Variants in LRRC59 observed in about 807,000 individuals in gnomAD.
LRRC59 encodes leucine-rich repeat-containing protein 59.
Under a neutral mutation model 33.5 loss-of-function variants are expected in LRRC59, and 18 were observed. That is an observed-to-expected ratio of 0.54 (90% confidence interval 0.37 to 0.80). The LOEUF (loss-of-function observed/expected upper bound fraction) is 0.80. Ranked by LOEUF, LRRC59 falls within the 30% of genes least tolerant of loss-of-function variation. The probability of loss-of-function intolerance (pLI) is 0.00; values close to 1 mark genes in which losing one functional copy is unlikely to be tolerated. For missense variants in LRRC59, 330 were observed against 391.9 expected (o/e 0.84, Z 1.33); for synonymous variants, 138 against 160.0 (o/e 0.86, Z 1.04).
chr17:50,384,959 C>T (rs1315079942), intron 6 of LRRC59, among the ~76,000 whole-genome samples, 159 bp downstream of exon 6: 3 of 152,084 alleles, frequency 2.0e-5, no homozygotes, highest in African/African-American at 7.2e-5. Context: ...CTAGGAGAGT[C>T]CCCCATTCCC....
intron 6 of LRRC59, 69 bp downstream of exon 6, chr17:50,385,049 T>A: frequency 6.5e-7 from 1 of 1,543,298 alleles, no homozygotes; most frequent in Non-Finnish European, 8.8e-7. Context: ...ACCCCAGTTG[T>A]CTATGCCTGG....
rs1913893872 is a variant in LRRC59, at chr17:50,382,700, C to G, written c.*288G>C. On this transcript the variant is annotated 3_prime_UTR_variant, in exon 7 of 7. Coordinates refer to ENST00000225972, the MANE Select transcript of LRRC59 (RefSeq NM_018509.4). ...GCCTTTACACAGCTTTATATAACAACTAGAAAAGGCTATGTTTTCTCTCTC... is the reference window on the plus strand; with the variant it reads ...GCCTTTACACAGCTTTATATAACAAGTAGAAAAGGCTATGTTTTCTCTCTC... 2.3e-6 allele frequency: 1 copy of G among 443,116 alleles called. No individual in the cohort carries two copies. Among genetic ancestry groups the G allele is most frequent in the East Asian group, 4.3e-5 (1 of 23,238 alleles). 27.4% of individuals were successfully genotyped at this position (443,116 alleles called of 1,614,324 possible).
At chr17:50,396,233 T>G (rs1914269302) in intron 1 of LRRC59, 1 of 152,264 alleles carries the variant, frequency 6.6e-6, no homozygotes, top group Non-Finnish European at 1.5e-5. Flanking sequence ...TATTTGCTCC[T>G]TCCAAGCATT....
chr17:50,382,820 GACT>G lies in LRRC59; in HGVS notation c.*165_*167del. On this transcript the variant is annotated 3_prime_UTR_variant, in exon 7 of 7. Transcript: ENST00000225972. ...TCTCCTCATTCCTTCAGGGAACCCT[GACT>G]AAGGAATGAAGAAGTCCTACAAAGA... The G allele has an allele frequency of 1.2e-6, 1 of 859,208 alleles. No individual in the cohort carries two copies. The highest frequency in any genetic ancestry group is 1.7e-6 in the Non-Finnish European group (1 of 587,192). The allele number at this position is 859,208 out of a possible 1,614,324, so 53.2% of individuals were successfully genotyped here.
At chr17:50,394,878 G>T in intron 2 of LRRC59, 51 bp downstream of exon 2, 1 of 1,269,692 alleles carries the variant, frequency 7.9e-7, no homozygotes, top group Non-Finnish European at 1.1e-6. Context: ...GAAACAGGAA[G>T]GAGATGCATC....
Position 50,382,832 on chromosome 17 carries a change from A to T in LRRC59, c.*156T>A. ...TTCAGGGAACCCTGACTAAGGAATGAAGAAGTCCTACAAAGAGGAGGTCTC... is the reference window on the plus strand; with the variant it reads ...TTCAGGGAACCCTGACTAAGGAATGTAGAAGTCCTACAAAGAGGAGGTCTC... On this transcript the variant is annotated 3_prime_UTR_variant, in exon 7 of 7. Transcript: ENST00000225972. The T allele has an allele frequency of 1.0e-6, 1 of 956,982 alleles. No homozygotes were observed. The highest frequency in any genetic ancestry group is 1.5e-6 in the Non-Finnish European group (1 of 661,682). The allele number at this position is 956,982 out of a possible 1,614,324, so 59.3% of individuals were successfully genotyped here.
In LRRC59 at chr17:50,383,230, T is replaced by C; in HGVS notation, c.682A>G (p.Lys228Glu). Residue 228 changes from lysine (K) to glutamate (E), a missense_variant, in exon 7 of 7, where the codon AAG becomes GAG. Coordinates refer to ENST00000225972, the MANE Select transcript of LRRC59 (RefSeq NM_018509.4). ...GGCTTGCGGGGACGGGAGCCAGACT[T>C]AGATTCTGGAGGAAAAGTAACAGTA... Reference protein sequence around the residue: ...KKEANQAPKSKSGSRPRKPPP... With the variant: ...KKEANQAPKSESGSRPRKPPP... 6.4e-7 allele frequency: 1 copy of C among 1,551,426 alleles called. No homozygotes were observed. The highest frequency in any genetic ancestry group is 8.7e-7 in the Non-Finnish European group (1 of 1,146,910).
chr17:50,395,357 A>AG lies in LRRC59; in HGVS notation c.106-370_106-369insC, dbSNP rs1019766630. ...GCACAACACAGTGAGACCCCATCTC[A>AG]AAAAAAAAAAAAAAGAAAGGAAGGC... is the stretch of plus-strand genomic sequence containing the variant. On this transcript the variant is annotated intron_variant, in intron 1 of 6. Coordinates refer to ENST00000225972, the MANE Select transcript of LRRC59 (RefSeq NM_018509.4). Among the ~76,000 whole-genome samples the AG allele has an allele frequency of 1.3e-3, 31 of 23,098 alleles. 1 individual carries two copies. Among genetic ancestry groups the AG allele is most frequent in the African/African-American group, 3.9e-3 (30 of 7,666 alleles). The allele number at this position is 23,098 out of a possible 152,430, so 15.2% of individuals were successfully genotyped here.
intron 4 of LRRC59, among the ~76,000 whole-genome samples, chr17:50,391,306 T>C (rs1914137701): frequency 6.6e-6 from 1 of 152,220 alleles, no homozygotes; most frequent in Non-Finnish European, 1.5e-5. Flanking sequence ...TAATAAGAGA[T>C]GATACAGATG....
At chr17:50,386,277 T>C (rs1914001256) in intron 5 of LRRC59, 1 of 152,206 alleles carries the variant, frequency 6.6e-6, no homozygotes, top group Non-Finnish European at 1.5e-5. Context: ...AAACAAATAC[T>C]TGAACTCATG....
chr17:50,393,234 C>T (rs554582920), intron 2 of LRRC59, among the ~76,000 whole-genome samples: 1 of 152,302 alleles, frequency 6.6e-6, no homozygotes, highest in South Asian at 2.1e-4. Flanking sequence ...ATGCAGAGAA[C>T]ACCTACCACA....
At chr17:50,384,959 C>A (rs1315079942) in intron 6 of LRRC59, among the ~76,000 whole-genome samples, 159 bp downstream of exon 6, 1 of 152,084 alleles carries the variant, frequency 6.6e-6, no homozygotes, top group Admixed American at 6.5e-5. Context: ...CTAGGAGAGT[C>A]CCCCATTCCC....
chr17:50,384,878 T>C (rs1468317), intron 6 of LRRC59, among the ~76,000 whole-genome samples: 131,618 of 151,904 alleles, frequency 0.87, 58,262 homozygotes, highest in Middle Eastern at 0.94. Flanking sequence ...TGCTTCAAGA[T>C]ACATCTGACC....
Position 50,397,395 on chromosome 17 carries a change from C to A in LRRC59, c.-78G>T, listed in dbSNP as rs1283975898. The A allele has an allele frequency of 4.4e-6, 5 of 1,126,892 alleles. No individual in the cohort carries two copies. The highest frequency in any genetic ancestry group is 2.5e-5 in the Admixed American group (1 of 40,462). 69.8% of individuals were successfully genotyped at this position (1,126,892 alleles called of 1,614,324 possible). A position where few individuals can be genotyped will look rare whatever the true frequency, so the allele number is the denominator to read the frequency against. ...GCTGAAATGTCGCTTGTCAGTTCAGCGGCCCCCCACCCAAACGACGACGCC... is the reference window on the plus strand; with the variant it reads ...GCTGAAATGTCGCTTGTCAGTTCAGAGGCCCCCCACCCAAACGACGACGCC... On this transcript the variant is annotated 5_prime_UTR_variant, in exon 1 of 7. Coordinates refer to ENST00000225972, the MANE Select transcript of LRRC59 (RefSeq NM_018509.4).
chr17:50,392,296 T>C, intron 4 of LRRC59, 102 bp downstream of exon 4: 1 of 837,526 alleles, frequency 1.2e-6, no homozygotes, highest in African/African-American at 1.7e-5. Flanking sequence ...CCTGAATGCT[T>C]AACTCCACAC....
At chr17:50,387,938 C>T in intron 5 of LRRC59, 122 bp downstream of exon 5, 1 of 899,024 alleles carries the variant, frequency 1.1e-6, no homozygotes, top group South Asian at 1.4e-5. Flanking sequence ...ACAATACTGT[C>T]CCCCCACCGC....
intron 6 of LRRC59, among the ~76,000 whole-genome samples, chr17:50,383,703 G>A (rs1255393602): frequency 6.6e-6 from 1 of 152,096 alleles, no homozygotes; most frequent in Non-Finnish European, 1.5e-5. Context: ...AGGAATGGGG[G>A]AGTACAGGTG....
intron 2 of LRRC59, among the ~76,000 whole-genome samples, chr17:50,394,053 T>C (rs1195147162): frequency 6.6e-6 from 1 of 152,028 alleles, no homozygotes; most frequent in Non-Finnish European, 1.5e-5. Context: ...GCTTTTTGAA[T>C]GTTAGAAACA....
Position 50,397,487 on chromosome 17 carries a change from T to G in LRRC59, c.-170A>C. On this transcript the variant is annotated 5_prime_UTR_variant, in exon 1 of 7. Coordinates refer to ENST00000225972, the MANE Select transcript of LRRC59 (RefSeq NM_018509.4). The stretch of plus-strand genomic sequence containing the variant: ...CTGGCCGCACTCCGAGCCTCGCGCC[T>G]AGCTCCCACCGGTGCCGCGACGACG... The G allele has an allele frequency of 2.0e-6, 1 of 511,376 alleles. No individual in the cohort carries two copies. The highest frequency in any genetic ancestry group is 4.0e-5 in the Admixed American group (1 of 24,846). The allele number at this position is 511,376 out of a possible 1,614,324, so 31.7% of individuals were successfully genotyped here.
Sources: gnomAD v4.1 joint callset for allele counts (sites outside exome capture counted in the v4.1 genomes callset) on GRCh38, gnomAD v4.1.1 for gene constraint, MANE v1.5 for transcripts, NCBI Gene and HGNC (gene_info 2026-07-23, HGNC 2026-07-21) for gene names.